EYS: variants seen among roughly 807,000 people sequenced by gnomAD.
The protein encoded by EYS is protein eyes shut homolog.
A neutral mutation model predicts 282.1 loss-of-function variants in EYS; 250 were observed. The observed-to-expected ratio is 0.89, with a 90% confidence interval of 0.80 to 0.98. The LOEUF is 0.98. Among genes scored for constraint, EYS ranks in the 50% least tolerant of loss-of-function variants. The pLI is 0.00. For synonymous variants in EYS, 1,355 were observed against 1,282.9 expected (o/e 1.06, Z -1.20); for missense variants, 4,016 against 3,709.0 (o/e 1.08, Z -2.15).
intron 19 of EYS, among the ~76,000 whole-genome samples, chr6:64,858,190 A>T (rs1242459148): frequency 6.6e-6 from 1 of 152,022 alleles, no homozygotes; most frequent in East Asian, 1.9e-4. Flanking sequence ...TGTAATGGAG[A>T]TTGTTGGCTA....
chr6:63,835,543 G>A (rs1042874412), intron 36 of EYS, among the ~76,000 whole-genome samples: 33 of 152,046 alleles, frequency 2.2e-4, no homozygotes, highest in Admixed American at 2.2e-3. Context: ...AAGATGCAAA[G>A]GGATAAGAAT....
At chr6:63,789,713 T>G (rs1015522105) in intron 37 of EYS, among the ~76,000 whole-genome samples, 14 of 152,226 alleles carry the variant, frequency 9.2e-5, no homozygotes, top group African/African-American at 3.4e-4. Context: ...ACAAAAGCTC[T>G]TAACCATGCC....
At chr6:65,031,385 C>T (rs1772599344) in intron 13 of EYS, among the ~76,000 whole-genome samples, 1 of 151,858 alleles carries the variant, frequency 6.6e-6, no homozygotes, top group Admixed American at 6.6e-5. Context: ...ATTGACCTAG[C>T]ACACATGTAC....
At chr6:64,871,633 C>G (rs2150054442) in intron 19 of EYS, among the ~76,000 whole-genome samples, 1 of 152,082 alleles carries the variant, frequency 6.6e-6, no homozygotes, top group South Asian at 2.1e-4. Context: ...CTCTTGGAGT[C>G]AAAATTTTCT....
At chr6:65,084,219 T>G (rs1774303358) in intron 12 of EYS, among the ~76,000 whole-genome samples, 1 of 152,118 alleles carries the variant, frequency 6.6e-6, no homozygotes, top group South Asian at 2.1e-4. Context: ...CTGAAAACAT[T>G]CTTTTTCACT....
intron 1 of EYS, among the ~76,000 whole-genome samples, chr6:65,671,008 A>G (rs1768374470): frequency 6.6e-6 from 1 of 152,048 alleles, no homozygotes; most frequent in Non-Finnish European, 1.5e-5. Context: ...GTTGTTAAAC[A>G]TTGATTTGTC....
intron 35 of EYS, among the ~76,000 whole-genome samples, chr6:63,914,872 G>A (rs1044422647): frequency 3.9e-5 from 6 of 152,156 alleles, no homozygotes; most frequent in Non-Finnish European, 8.8e-5. Flanking sequence ...GCTTGAGAGA[G>A]GTGAGAAAGC....
At chr6:65,084,806 GA>G in intron 12 of EYS, among the ~76,000 whole-genome samples, 1 of 152,172 alleles carries the variant, frequency 6.6e-6, no homozygotes, top group Non-Finnish European at 1.5e-5. Flanking sequence ...GTTTTAGTTG[GA>G]AAAAACTATA....
intron 31 of EYS, among the ~76,000 whole-genome samples, chr6:64,085,314 ACG>A (rs1226340302): frequency 1.9e-4 from 24 of 124,198 alleles, no homozygotes; most frequent in African/African-American, 7.4e-4. Context: ...CTCCTTCCAG[ACG>A]CGCGCGCGTG....
chr6:63,782,502 T>C (rs1003801203), intron 39 of EYS, among the ~76,000 whole-genome samples: 4 of 152,248 alleles, frequency 2.6e-5, no homozygotes, highest in Non-Finnish European at 5.9e-5. Context: ...TCCAGGAATT[T>C]ATCCATTTCT....
chr6:63,870,178 TA>T lies in EYS; in HGVS notation c.7056-5821del, dbSNP rs200529574. Among the ~76,000 whole-genome samples, 1,076 of 152,326 alleles carry T rather than the reference TA, an allele frequency of 7.1e-3. 16 individuals carry two copies. The highest frequency in any genetic ancestry group is 0.023 in the South Asian group (113 of 4,834). On this transcript the variant is annotated intron_variant, in intron 35 of 42. Coordinates refer to ENST00000503581, the MANE Select transcript of EYS (RefSeq NM_001142800.2). The stretch of plus-strand genomic sequence containing the variant: ...GGCTAGAAGAGTTGGTATGAGCTTT[TA>T]AAATGTTATTTTAATTTCCACTAAA...
At chr6:65,457,425 T>C (rs1186952725) in intron 5 of EYS, among the ~76,000 whole-genome samples, 1 of 152,056 alleles carries the variant, frequency 6.6e-6, no homozygotes, top group African/African-American at 2.4e-5. Context: ...TCAGCCTTCC[T>C]AAGTGCTAGA....
intron 22 of EYS, among the ~76,000 whole-genome samples, chr6:64,798,679 C>A (rs534179070): frequency 7.9e-4 from 109 of 138,572 alleles, no homozygotes; most frequent in South Asian, 4.9e-3. Flanking sequence ...GAGTTGAACT[C>A]ATTGTCTCCA....
At chr6:64,925,376 T>A (rs1208819519) in intron 15 of EYS, among the ~76,000 whole-genome samples, 1 of 152,166 alleles carries the variant, frequency 6.6e-6, no homozygotes, top group African/African-American at 2.4e-5. Flanking sequence ...AACCAAACTC[T>A]ATCAGTGGAA....
At chr6:64,517,891 G>A (rs1389933557) in intron 26 of EYS, among the ~76,000 whole-genome samples, 1 of 151,768 alleles carries the variant, frequency 6.6e-6, no homozygotes, top group African/African-American at 2.4e-5. Context: ...TGGCAAACAT[G>A]AAAATAACTT....
chr6:64,291,317 G>C (rs980830878), intron 30 of EYS, among the ~76,000 whole-genome samples: 15 of 151,924 alleles, frequency 9.9e-5, no homozygotes, highest in Non-Finnish European at 1.6e-4. Flanking sequence ...ATTGTTTATA[G>C]TAATAAAATA....
chr6:65,463,072 A>C (rs201308568), intron 5 of EYS, among the ~76,000 whole-genome samples: 1 of 152,156 alleles, frequency 6.6e-6, no homozygotes, highest in East Asian at 1.9e-4. Context: ...CAGCAGTCAG[A>C]ATGACTGTTT....
chr6:65,381,230 T>C (rs1765598147), intron 8 of EYS, among the ~76,000 whole-genome samples: 1 of 152,084 alleles, frequency 6.6e-6, no homozygotes, highest in Non-Finnish European at 1.5e-5. Flanking sequence ...TGCCCATCAA[T>C]GATAGGCTGG....
intron 5 of EYS, among the ~76,000 whole-genome samples, chr6:65,437,024 T>A (rs1349692898): frequency 6.6e-6 from 1 of 152,066 alleles, no homozygotes; most frequent in Non-Finnish European, 1.5e-5. Context: ...CAGTAAGTAA[T>A]AAAGTATAGT....
Sources: allele counts gnomAD v4.1 joint callset (sites outside exome capture counted in the v4.1 genomes callset), GRCh38; gene constraint gnomAD v4.1.1; transcripts MANE v1.5; gene names NCBI Gene and HGNC (gene_info 2026-07-23, HGNC 2026-07-21).